Variants in GPC5 observed in about 807,000 individuals in gnomAD.
GPC5 encodes glypican-5.
GPC5 carries 47 observed loss-of-function variants against 53.9 expected under a neutral mutation model. The ratio of observed to expected loss-of-function variants is 0.87; its 90% CI spans 0.69 to 1.11. GPC5 has a LOEUF of 1.11. GPC5 is among the 50% of genes most tolerant of loss of function. GPC5 has a pLI of 0.00. For synonymous variants in GPC5, 286 were observed against 263.3 expected (o/e 1.09, Z -0.84); for missense variants, 748 against 713.1 (o/e 1.05, Z -0.56).
rs972425916 is a variant in GPC5 at position 91,501,247 on chromosome 13, T to TC, written c.325+52325_325+52326insC. On this transcript the variant is annotated intron_variant, in intron 2 of 7. Transcript: ENST00000377067. ...CTCAGCTCTTAAGACTTTGTTTTTT[T>TC]TTTTTTTTTTTTTGTAATTTAAGTT... Among the ~76,000 whole-genome samples the TC allele has an allele frequency of 2.6e-5, 4 of 151,448 alleles. No homozygotes were observed. The East Asian group carries it at 5.8e-4, about 22-fold the overall frequency.
chr13:91,578,909 T>G (rs1294972228), intron 2 of GPC5, among the ~76,000 whole-genome samples: 1 of 150,746 alleles, frequency 6.6e-6, no homozygotes, highest in Non-Finnish European at 1.5e-5. Flanking sequence ...TAGCTGGGAG[T>G]GGTGGCATGT....
In GPC5 at chr13:92,866,379, G is replaced by T; in HGVS notation, c.1659G>T (p.Ala553=). The T allele has an allele frequency of 1.9e-6, 3 of 1,612,620 alleles. No individual in the cohort carries two copies. The highest frequency in any genetic ancestry group is 2.5e-6 in the Non-Finnish European group (3 of 1,179,098). The change falls in exon 8 of 8, where the codon GCG becomes GCT. Residue 553 remains alanine (A), a synonymous_variant. Transcript: ENST00000377067. ...LDTTGAGCAV[A]TESMTFTLIS... ...CAACAGGAGCAGGATGTGCAGTGGC[G>T]ACTGAATCTATGACATTCACTCTGA...
intron 6 of GPC5, among the ~76,000 whole-genome samples, chr13:91,929,306 T>C (rs2039798743): frequency 6.6e-6 from 1 of 152,126 alleles, no homozygotes; most frequent in Non-Finnish European, 1.5e-5. Context: ...AACAGAAATG[T>C]GCCATTTGTT....
chr13:92,387,800 T>C (rs1483592964), intron 7 of GPC5, among the ~76,000 whole-genome samples: 3 of 152,140 alleles, frequency 2.0e-5, no homozygotes, highest in Non-Finnish European at 2.9e-5. Context: ...TCCTTACTAG[T>C]AAAGTGGAGA....
intron 6 of GPC5, among the ~76,000 whole-genome samples, chr13:92,047,851 C>T (rs1289283921): frequency 2.0e-5 from 3 of 148,656 alleles, no homozygotes; most frequent in Admixed American, 6.8e-5. Flanking sequence ...TTTAGCCGGG[C>T]GTGGTGGCAT....
chr13:92,565,265 G>A (rs1176784498), intron 7 of GPC5, among the ~76,000 whole-genome samples: 2 of 152,052 alleles, frequency 1.3e-5, no homozygotes, highest in African/African-American at 2.4e-5. Context: ...TCCACTGAAG[G>A]AAAAAGAAAC....
At chr13:92,169,010 C>G (rs1243541966) in intron 7 of GPC5, among the ~76,000 whole-genome samples, 1 of 152,092 alleles carries the variant, frequency 6.6e-6, no homozygotes, top group African/African-American at 2.4e-5. Context: ...TAAAAAGGAA[C>G]AAGATCATGT....
intron 2 of GPC5, among the ~76,000 whole-genome samples, chr13:91,478,882 T>TATATATATATATATATATATACAC (rs1566435670): frequency 0.016 from 29 of 1,864 alleles, 1 homozygote; most frequent in African/African-American, 0.021. Context: ...ATATACACAT[T>TATATATATATATATATATATACAC]ATATATATAT....
At chr13:92,841,273 GT>G (rs1878419965) in intron 7 of GPC5, among the ~76,000 whole-genome samples, 2 of 152,074 alleles carry the variant, frequency 1.3e-5, no homozygotes, top group South Asian at 4.1e-4. Context: ...CATAAAACCT[GT>G]TTTTGCCAGT....
chr13:91,573,831 G>A lies in GPC5; in HGVS notation c.326-119356G>A, dbSNP rs1001378385. 4.6e-5 allele frequency among the ~76,000 whole-genome samples: 7 copies of A among 152,096 alleles called. 1 individual carries two copies. Among genetic ancestry groups the A allele is most frequent in the African/African-American group, 1.7e-4 (7 of 41,426 alleles). On this transcript the variant is annotated intron_variant, in intron 2 of 7. Coordinates refer to ENST00000377067, the MANE Select transcript of GPC5 (RefSeq NM_004466.6). ...AATGAACTCTGATAAGAGAGTAAGT[G>A]CTTCAACAAAAATGAAAATTTATCC... is the stretch of plus-strand genomic sequence containing the variant.
intron 7 of GPC5, among the ~76,000 whole-genome samples, chr13:92,816,024 A>G (rs1209540728): frequency 6.6e-6 from 1 of 151,952 alleles, no homozygotes; most frequent in African/African-American, 2.4e-5. Context: ...AGCTATAAAT[A>G]TAATTTGGGA....
chr13:92,124,754 A>T (rs1275901440), intron 6 of GPC5, among the ~76,000 whole-genome samples: 7 of 152,288 alleles, frequency 4.6e-5, no homozygotes, highest in Non-Finnish European at 7.3e-5. Context: ...CAGGATAAAA[A>T]AAAACTGTAG....
chr13:92,134,451 T>C (rs1199911234), intron 6 of GPC5, among the ~76,000 whole-genome samples: 1 of 152,164 alleles, frequency 6.6e-6, no homozygotes, highest in Non-Finnish European at 1.5e-5. Flanking sequence ...ATTACTTTTG[T>C]GGATATTTAA....
At chr13:91,939,765 C>T (rs530291493) in intron 6 of GPC5, among the ~76,000 whole-genome samples, 1 of 152,210 alleles carries the variant, frequency 6.6e-6, no homozygotes, top group South Asian at 2.1e-4. Flanking sequence ...TCAAGCAAGA[C>T]TACCACGAGG....
rs566376561 is a variant in GPC5, at chr13:92,590,251, A to G, written c.1562-276031A>G. Among the ~76,000 whole-genome samples the G allele has an allele frequency of 1.7e-3, 260 of 152,294 alleles. 1 individual carries two copies. The highest frequency in any genetic ancestry group is 6.1e-3 in the African/African-American group (255 of 41,562). On this transcript the variant is annotated intron_variant, in intron 7 of 7. Coordinates refer to ENST00000377067, the MANE Select transcript of GPC5 (RefSeq NM_004466.6). Reference sequence around the variant, plus strand: ...AAAGCTAGGGGCATGCATGAGGGCCATGGAAGCATGCACTTAAGAACAAAG... The same window carrying G: ...AAAGCTAGGGGCATGCATGAGGGCCGTGGAAGCATGCACTTAAGAACAAAG...
chr13:92,212,429 G>A (rs1405277882), intron 7 of GPC5, among the ~76,000 whole-genome samples: 2 of 152,138 alleles, frequency 1.3e-5, no homozygotes, highest in Non-Finnish European at 2.9e-5. Context: ...TAGTAATAAT[G>A]AGGGAAAACA....
chr13:92,484,283 C>T (rs1030178862), intron 7 of GPC5, among the ~76,000 whole-genome samples: 2 of 152,136 alleles, frequency 1.3e-5, no homozygotes, highest in African/African-American at 4.8e-5. Flanking sequence ...AACAACGACT[C>T]TTGGAATAAC....
chr13:92,320,520 G>A (rs2043208787), intron 7 of GPC5, among the ~76,000 whole-genome samples: 1 of 152,010 alleles, frequency 6.6e-6, no homozygotes, highest in African/African-American at 2.4e-5. Context: ...TTGTTTAAAA[G>A]GCCATATAAA....
At position 92,156,004 on chromosome 13, in the gene GPC5, T is replaced by C. The variant is rs115844838; in HGVS notation, c.1561+11015T>C. Among the ~76,000 whole-genome samples the C allele has an allele frequency of 4.9e-3, 744 of 152,308 alleles. 10 individuals carry two copies. The highest frequency in any genetic ancestry group is 0.016 in the African/African-American group (671 of 41,582). On this transcript the variant is annotated intron_variant, in intron 7 of 7. Coordinates refer to ENST00000377067, the MANE Select transcript of GPC5 (RefSeq NM_004466.6). ...ACATTTGTTGCTTATTTTATGTTAA[T>C]ATAAATTCCCTTCATTTTTAGAATA...
Sources: allele counts gnomAD v4.1 joint callset (sites outside exome capture counted in the v4.1 genomes callset), GRCh38; gene constraint gnomAD v4.1.1; transcripts MANE v1.5; gene names NCBI Gene and HGNC (gene_info 2026-07-23, HGNC 2026-07-21).